Variants in NLRP12 observed in about 807,000 individuals in gnomAD.
NLRP12 encodes the protein NLR family pyrin domain containing 12, also known as NACHT, LRR and PYD domains-containing protein 12.
NLRP12 carries 108 observed loss-of-function variants against 91.2 expected under a neutral mutation model. The observed-to-expected ratio is 1.18, with a 90% confidence interval of 1.01 to 1.39. The LOEUF (loss-of-function observed/expected upper bound fraction) is 1.39. Ranked by LOEUF, NLRP12 falls within the 40% of genes most tolerant of loss-of-function variation. NLRP12 has a pLI of 0.00. For synonymous variants in NLRP12, 613 were observed against 566.7 expected, an observed-to-expected ratio of 1.08 and a Z score of -1.16; for missense variants, 1,530 against 1,352.7, an observed-to-expected ratio of 1.13 and a Z score of -2.06.
rs1362321562 is a variant in NLRP12, at chr19:53,804,378, T to TG, written c.2415-257_2415-256insC. On this transcript the variant is annotated intron_variant, in intron 5 of 9. Transcript: ENST00000324134. ...GCCTAATTTTTTTTGTTTGTTTGTT[T>TG]TTTGTTTTTTTTGGGTTTTTTTGTT... Among the ~76,000 whole-genome samples the TG allele has an allele frequency of 5.5e-3, 800 of 145,230 alleles. 13 individuals are homozygous for TG. The highest frequency in any genetic ancestry group is 0.019 in the African/African-American group (774 of 39,906).
At position 53,814,980 on chromosome 19, in the gene NLRP12, G is replaced by A. The variant is rs200813801; in HGVS notation, c.298C>T (p.Pro100Ser). The A allele has an allele frequency of 3.0e-4, 492 of 1,613,650 alleles. No homozygotes were observed. Among genetic ancestry groups the A allele is most frequent in the Admixed American group, 1.1e-3 (66 of 59,988 alleles). ...TTCCCAAGTGAGGACGGGCCACCAGGTGGGGTATCTGGAAGAGAAATTGTG... is the reference window on the plus strand; with the variant it reads ...TTCCCAAGTGAGGACGGGCCACCAGATGGGGTATCTGGAAGAGAAATTGTG... ...QREDLVRDTP[P>S]GGPSSLGNQS... The change falls in exon 2 of 10, where the codon CCT becomes TCT. Residue 100 changes from proline to serine, a missense_variant. Pro to Ser is a moderately conservative substitution (Grantham distance 74, BLOSUM62 -1). Coordinates refer to ENST00000324134, the MANE Select transcript of NLRP12 (RefSeq NM_144687.4).
At chr19:53,795,702 C>T (rs566604267) in intron 9 of NLRP12, among the ~76,000 whole-genome samples, 157 bp downstream of exon 9, 10 of 152,180 alleles carry the variant, frequency 6.6e-5, no homozygotes, top group Non-Finnish European at 1.5e-4. Flanking sequence ...CAAGGTCACA[C>T]AGCCAGTAGA....
chr19:53,800,707 C>A (rs551515110), intron 7 of NLRP12, among the ~76,000 whole-genome samples: 1 of 151,798 alleles, frequency 6.6e-6, no homozygotes, highest in Non-Finnish European at 1.5e-5. Context: ...CTCAGCCTCG[C>A]GAGTAGCTGG....
At position 53,798,399 on chromosome 19, in the gene NLRP12, C is replaced by A; in HGVS notation, c.2771G>T (p.Arg924Leu). Residue 924 changes from arginine (R) to leucine (L), a missense_variant, in exon 8 of 10, where the codon CGG (arginine) becomes CTG (leucine). Physicochemically the swap from Arg to Leu is moderately radical, Grantham distance 102. Transcript: ENST00000324134. ...ACCCTCACAGGCGGCAGAGCCCAGC[C>A]GGCAGATGCCCAACCTGCAAAGACA... ...KLQTLRLGIC[R>L]LGSAACEGLS... 1.2e-6 allele frequency: 2 copies of A among 1,614,028 alleles called. No homozygotes were observed. The highest frequency in any genetic ancestry group is 2.2e-5 in the South Asian group (2 of 91,076).
Position 53,809,912 on chromosome 19 carries a change from C to T in NLRP12, c.1747G>A (p.Val583Ile). 1 of 1,614,044 alleles carries T rather than the reference C, an allele frequency of 6.2e-7. No homozygotes were observed. Among genetic ancestry groups the T allele is most frequent in the Non-Finnish European group, 8.5e-7 (1 of 1,180,030 alleles). ...AGGTCCATCTTGATGTGCGGCGAGA[C>T]CTTCCAGCAGAGACTCTTCTCCAGG... ...SHLEKSLCWKVSPHIKMDLLQ... is the reference protein window; with the variant it reads ...SHLEKSLCWKISPHIKMDLLQ... The change falls in exon 3 of 10, where the codon GTC (valine) becomes ATC (isoleucine). Residue 583 changes from valine to isoleucine, a missense_variant. Transcript: ENST00000324134.
At position 53,824,112 on chromosome 19, in the gene NLRP12, C is replaced by T; in HGVS notation, c.63G>A (p.Glu21=). 1 of 1,614,088 alleles carries T rather than the reference C, an allele frequency of 6.2e-7. No homozygotes were observed. Among genetic ancestry groups the T allele is most frequent in the East Asian group, 2.2e-5 (1 of 44,872 alleles). Residue 21 remains glutamate (E), a synonymous_variant, in exon 1 of 10, where the codon GAG becomes GAA. Coordinates refer to ENST00000324134, the MANE Select transcript of NLRP12 (RefSeq NM_144687.4). ...CRLSTYLEEL[E]AVELKKFKLY... ...ACTTGAACTTCTTCAGTTCCACAGC[C>T]TCGAGTTCTTCCAAGTAGGTGGACA... is the stretch of plus-strand genomic sequence containing the variant.
chr19:53,820,988 T>G (rs2122774855), intron 1 of NLRP12, among the ~76,000 whole-genome samples: 1 of 151,798 alleles, frequency 6.6e-6, no homozygotes, highest in South Asian at 2.1e-4. Context: ...ACTTTGCATG[T>G]ATTATCTCTT....
chr19:53,801,716 A>C (rs2091878178), intron 6 of NLRP12, among the ~76,000 whole-genome samples: 2 of 151,614 alleles, frequency 1.3e-5, no homozygotes, highest in Non-Finnish European at 2.9e-5. Context: ...CAGCCTCCCA[A>C]AGGACTGGAA....
chr19:53,809,751 G>C lies in NLRP12; in HGVS notation c.1908C>G (p.Ile636Met). ...IQQALSHFQVIVVSNIASKME... is the reference protein window; with the variant it reads ...IQQALSHFQVMVVSNIASKME... ...TCTTGGAGGCAATGTTGCTGACCAC[G>C]ATCACCTGGAAGTGGCTCAGGGCCT... The change falls in exon 3 of 10, where the codon ATC (isoleucine) becomes ATG (methionine). Residue 636 changes from isoleucine (I) to methionine (M), a missense_variant. Transcript: ENST00000324134. 1 of 1,614,130 alleles carries C rather than the reference G, an allele frequency of 6.2e-7. No homozygotes were observed. The highest frequency in any genetic ancestry group is 8.5e-7 in the Non-Finnish European group (1 of 1,180,034).
chr19:53,805,332 T>C lies in NLRP12; in HGVS notation c.2362A>G (p.Met788Val), dbSNP rs758088048. ...SGNGVGFPGM[M>V]LLCEGLRHPQ... ...TGCCGCAGGCCCTCGCAAAGCAGCA[T>C]CATGCCTGGGAATCCAACGCCGTTG... The change falls in exon 5 of 10, where the codon ATG becomes GTG. Residue 788 changes from methionine to valine, a missense_variant. By Grantham distance (21) the Met-to-Val change is conservative. Coordinates refer to ENST00000324134, the MANE Select transcript of NLRP12 (RefSeq NM_144687.4). 6.2e-7 allele frequency: 1 copy of C among 1,614,098 alleles called. No individual in the cohort carries two copies. Among genetic ancestry groups the C allele is most frequent in the South Asian group, 1.1e-5 (1 of 91,078 alleles).
chr19:53,808,319 T>C (rs1278966260), intron 3 of NLRP12: 3 of 170,582 alleles, frequency 1.8e-5, no homozygotes, highest in Admixed American at 1.1e-4. Context: ...GTTGGTTTAC[T>C]TGTTTCCCTC....
intron 7 of NLRP12, among the ~76,000 whole-genome samples, chr19:53,800,582 C>A (rs979963842): frequency 6.3e-4 from 76 of 119,990 alleles, no homozygotes; most frequent in Admixed American, 7.4e-4. Context: ...TCAGAAAACC[C>A]CCCCCTTTTT....
At chr19:53,819,978 C>T (rs548052394) in intron 1 of NLRP12, among the ~76,000 whole-genome samples, 1 of 152,102 alleles carries the variant, frequency 6.6e-6, no homozygotes, top group South Asian at 2.1e-4. Flanking sequence ...TTGTTTTTTA[C>T]AGAGATGTTT....
At position 53,824,111 on chromosome 19, in the gene NLRP12, C is replaced by T. The variant is rs2092308363; in HGVS notation, c.64G>A (p.Ala22Thr). ...RLSTYLEELE[A>T]VELKKFKLYL... is the part of the protein sequence containing the mutation. ...AACTTGAACTTCTTCAGTTCCACAG[C>T]CTCGAGTTCTTCCAAGTAGGTGGAC... The change falls in exon 1 of 10, where the codon GCT (alanine) becomes ACT (threonine). Residue 22 changes from alanine (A) to threonine (T), a missense_variant. By Grantham distance (58) the Ala-to-Thr change is moderately conservative. Coordinates refer to ENST00000324134, the MANE Select transcript of NLRP12 (RefSeq NM_144687.4). 3 of 1,614,118 alleles carry T rather than the reference C, an allele frequency of 1.9e-6. No individual in the cohort carries two copies. Among genetic ancestry groups the T allele is most frequent in the Non-Finnish European group, 2.5e-6 (3 of 1,180,032 alleles).
At chr19:53,796,190 C>T in intron 8 of NLRP12, 161 bp from the exon 9 acceptor site, 1 of 697,338 alleles carries the variant, frequency 1.4e-6, no homozygotes, top group Non-Finnish European at 2.6e-6. Context: ...CCTCAGCCTC[C>T]TGAGTAGCTG....
intron 2 of NLRP12, among the ~76,000 whole-genome samples, chr19:53,813,299 CTTTTTT>C (rs1160039078): frequency 8.1e-5 from 7 of 86,002 alleles, no homozygotes; most frequent in Admixed American, 1.4e-4. Flanking sequence ...TTTTTCTTTT[CTTTTTT>C]TTTTTTTTTT....
In NLRP12 at chr19:53,809,832, G is replaced by T; in HGVS notation, c.1827C>A (p.Gly609=). Residue 609 remains glycine (G), a synonymous_variant, in exon 3 of 10, where the codon GGC becomes GGA. Coordinates refer to ENST00000324134, the MANE Select transcript of NLRP12 (RefSeq NM_144687.4). ...AQSDGSTLQQ[G]SLEFFSCLYE... is the part of the protein sequence containing the mutation. ...ACAAGCAGCTGAAGAACTCCAAGGA[G>T]CCCTGCTGCAGGGTGGAGCCGTCGC... 1.2e-6 allele frequency: 2 copies of T among 1,614,136 alleles called. No individual in the cohort carries two copies. The highest frequency in any genetic ancestry group is 1.7e-6 in the Non-Finnish European group (2 of 1,180,018).
chr19:53,811,264 T>G lies in NLRP12; in HGVS notation c.395A>C (p.Tyr132Ser). Residue 132 changes from tyrosine to serine, a missense_variant, in exon 3 of 10, where the codon TAT becomes TCT. Tyr to Ser is a moderately radical substitution (Grantham distance 144). Coordinates refer to ENST00000324134, the MANE Select transcript of NLRP12 (RefSeq NM_144687.4). ...RKDPQETYRDYVRRKFRLMED... is the reference protein window; with the variant it reads ...RKDPQETYRDSVRRKFRLMED... Reference sequence around the variant, plus strand: ...CATGAGCCGGAATTTCCTGCGGACATAGTCCCTGTAGGTTTCCTGGGGATC... The same window carrying G: ...CATGAGCCGGAATTTCCTGCGGACAGAGTCCCTGTAGGTTTCCTGGGGATC... The G allele has an allele frequency of 6.2e-7, 1 of 1,613,980 alleles. No individual in the cohort carries two copies. Among genetic ancestry groups the G allele is most frequent in the East Asian group, 2.2e-5 (1 of 44,784 alleles).
chr19:53,795,435 T>C (rs529470351), intron 9 of NLRP12, among the ~76,000 whole-genome samples: 2 of 151,680 alleles, frequency 1.3e-5, no homozygotes, highest in African/African-American at 2.4e-5. Context: ...AGTGCAGTGG[T>C]GTGATCTTGG....
Sources: allele counts gnomAD v4.1 joint callset (sites outside exome capture counted in the v4.1 genomes callset), GRCh38; gene constraint gnomAD v4.1.1; transcripts MANE v1.5; gene names NCBI Gene and HGNC (gene_info 2026-07-23, HGNC 2026-07-21).